Variants in SLC24A3 observed in about 807,000 individuals in gnomAD.
SLC24A3 encodes the protein sodium/potassium/calcium exchanger 3.
In SLC24A3, 28 loss-of-function variants were observed where a neutral mutation model predicts 75.8. The ratio of observed to expected loss-of-function variants is 0.37; its 90% confidence interval spans 0.27 to 0.51. SLC24A3 has a LOEUF of 0.51. Among genes scored for constraint, SLC24A3 ranks in the 20% least tolerant of loss-of-function variants. The probability of loss-of-function intolerance (pLI) is 0.94; values close to 1 mark genes in which losing one functional copy is unlikely to be tolerated. For missense variants in SLC24A3, 663 were observed against 847.8 expected (o/e 0.78, Z 2.71); for synonymous variants, 372 against 334.1 (o/e 1.11, Z -1.24).
intron 1 of SLC24A3, among the ~76,000 whole-genome samples, chr20:19,230,877 T>C (rs756369385): frequency 3.3e-5 from 5 of 152,204 alleles, no homozygotes; most frequent in Non-Finnish European, 7.3e-5. Flanking sequence ...GTCCTAATGC[T>C]AGGCTAATGA....
chr20:19,359,979 T>C lies in SLC24A3; in HGVS notation c.271+78892T>C, dbSNP rs368959758. 4.6e-5 allele frequency among the ~76,000 whole-genome samples: 7 copies of C among 152,190 alleles called. No individual in the cohort carries two copies. The East Asian group carries it at 9.7e-4, about 21-fold the overall frequency. On this transcript the variant is annotated intron_variant, in intron 2 of 16. Transcript: ENST00000328041. ...TCCTACCTTGGTTGAGGATCACTCC[T>C]GAGGTCTGTCAGTCCAGTCTACACA...
intron 2 of SLC24A3, among the ~76,000 whole-genome samples, chr20:19,466,164 A>G (rs1437718732): frequency 1.3e-5 from 2 of 152,214 alleles, no homozygotes; most frequent in East Asian, 1.9e-4. Context: ...TGAATGTAGG[A>G]GTCTAAATAA....
intron 16 of SLC24A3, among the ~76,000 whole-genome samples, chr20:19,718,937 A>G (rs2033070633): frequency 6.6e-6 from 1 of 152,234 alleles, no homozygotes; most frequent in Non-Finnish European, 1.5e-5. Context: ...AAGAGCCCCA[A>G]GATCTCAGTG....
chr20:19,409,660 C>T (rs988555807), intron 2 of SLC24A3, among the ~76,000 whole-genome samples: 1 of 152,018 alleles, frequency 6.6e-6, no homozygotes, highest in Non-Finnish European at 1.5e-5. Context: ...TTATGATAGA[C>T]TTGAAGTATA....
intron 2 of SLC24A3, among the ~76,000 whole-genome samples, chr20:19,419,942 A>G (rs1400048594): frequency 8.6e-5 from 10 of 116,946 alleles, no homozygotes; most frequent in Non-Finnish European, 1.6e-4. Flanking sequence ...CGTGTCATCT[A>G]GCATTAGGTA....
intron 6 of SLC24A3, among the ~76,000 whole-genome samples, chr20:19,636,214 C>T (rs142077201): frequency 1.0e-3 from 154 of 152,280 alleles, no homozygotes; most frequent in African/African-American, 3.6e-3. Context: ...GATGTAACAC[C>T]ATTTCTGTCA....
At chr20:19,511,491 C>T (rs573279467) in intron 2 of SLC24A3, among the ~76,000 whole-genome samples, 4 of 152,234 alleles carry the variant, frequency 2.6e-5, no homozygotes, top group South Asian at 2.1e-4. Context: ...CCACGCCCGG[C>T]TAATTTTTTG....
chr20:19,326,431 A>C (rs1984864198), intron 2 of SLC24A3, among the ~76,000 whole-genome samples: 1 of 152,074 alleles, frequency 6.6e-6, no homozygotes, highest in Non-Finnish European at 1.5e-5. Flanking sequence ...ACTTCCTGCC[A>C]TTGGCCAAAT....
At chr20:19,577,327 T>C (rs2031153292) in intron 3 of SLC24A3, among the ~76,000 whole-genome samples, 1 of 152,214 alleles carries the variant, frequency 6.6e-6, no homozygotes, top group South Asian at 2.1e-4. Flanking sequence ...AGTGCTGGGA[T>C]TACAGGCATG....
chr20:19,313,914 T>C (rs879396301), intron 2 of SLC24A3, among the ~76,000 whole-genome samples: 6 of 152,240 alleles, frequency 3.9e-5, no homozygotes, highest in Admixed American at 3.9e-4. Flanking sequence ...GAGGAGATGA[T>C]ACATCTTAAA....
chr20:19,618,864 C>T (rs778510529), intron 6 of SLC24A3, among the ~76,000 whole-genome samples: 2 of 152,204 alleles, frequency 1.3e-5, no homozygotes, highest in Non-Finnish European at 2.9e-5. Flanking sequence ...GAGGCATGCC[C>T]AACTTTGTCC....
chr20:19,538,608 C>T (rs757033162), intron 3 of SLC24A3, among the ~76,000 whole-genome samples: 3 of 152,112 alleles, frequency 2.0e-5, no homozygotes, highest in Non-Finnish European at 2.9e-5. Flanking sequence ...TAAAGAAAGA[C>T]GAGCAAAACC....
intron 7 of SLC24A3, among the ~76,000 whole-genome samples, chr20:19,661,370 G>C (rs776001304): frequency 5.3e-5 from 8 of 152,126 alleles, no homozygotes; most frequent in Non-Finnish European, 1.0e-4. Flanking sequence ...TGATACTGGT[G>C]CCTAACAGCC....
chr20:19,482,822 A>G (rs1988077466), intron 2 of SLC24A3, among the ~76,000 whole-genome samples: 1 of 152,144 alleles, frequency 6.6e-6, no homozygotes, highest in Non-Finnish European at 1.5e-5. Context: ...ACTCTTGGAG[A>G]CAGTTTGAGG....
intron 1 of SLC24A3, among the ~76,000 whole-genome samples, chr20:19,244,704 G>A (rs773478424): frequency 1.4e-4 from 21 of 152,172 alleles, no homozygotes; most frequent in Non-Finnish European, 2.4e-4. Flanking sequence ...GATCAGGTAA[G>A]CCTTTTCTAA....
chr20:19,339,838 G>C (rs1335408680), intron 2 of SLC24A3, among the ~76,000 whole-genome samples: 1 of 152,266 alleles, frequency 6.6e-6, no homozygotes, highest in Non-Finnish European at 1.5e-5. Flanking sequence ...ATTGGGTAGA[G>C]AGAAGAAGGG....
Position 19,602,445 on chromosome 20 carries a change from G to GA in SLC24A3, c.612+16907dup, listed in dbSNP as rs113728071. ...TCCTTGCTATAAAGATATGACTTCA[G>GA]AAAAAACCCTCTACCTTCTCCTTTA... On this transcript the variant is annotated intron_variant, in intron 6 of 16. Coordinates refer to ENST00000328041, the MANE Select transcript of SLC24A3 (RefSeq NM_020689.4). 6.8e-4 allele frequency among the ~76,000 whole-genome samples: 103 copies of GA among 152,104 alleles called. 1 individual carries two copies. The highest frequency in any genetic ancestry group is 3.4e-3 in the Middle Eastern group (1 of 294).
intron 1 of SLC24A3, among the ~76,000 whole-genome samples, chr20:19,255,537 G>A (rs1982788702): frequency 6.6e-6 from 1 of 152,242 alleles, no homozygotes; most frequent in Non-Finnish European, 1.5e-5. Context: ...GGTGCCACTG[G>A]ATGGTCCCAG....
At chr20:19,499,169 A>T (rs1988346583) in intron 2 of SLC24A3, among the ~76,000 whole-genome samples, 1 of 152,262 alleles carries the variant, frequency 6.6e-6, no homozygotes, top group South Asian at 2.1e-4. Context: ...TAAAAATGTG[A>T]GACATAACAA....
Sources: allele counts gnomAD v4.1 joint callset (sites outside exome capture counted in the v4.1 genomes callset), GRCh38; gene constraint gnomAD v4.1.1; transcripts MANE v1.5; gene names NCBI Gene and HGNC (gene_info 2026-07-23, HGNC 2026-07-21).